ARFGEF1: variants seen among roughly 807,000 people sequenced by gnomAD.
The protein encoded by ARFGEF1 is brefeldin A-inhibited guanine nucleotide-exchange protein 1.
A neutral mutation model predicts 231.0 loss-of-function variants in ARFGEF1; 42 were observed. The observed-to-expected ratio is 0.18, with a 90% CI of 0.14 to 0.24. ARFGEF1 has a LOEUF of 0.24. Among genes scored for constraint, ARFGEF1 ranks in the 10% least tolerant of loss-of-function variants. The probability of loss-of-function intolerance (pLI) is 1.00; values close to 1 mark genes in which losing one functional copy is unlikely to be tolerated. For missense variants in ARFGEF1, 1,345 were observed against 2,192.0 expected, an observed-to-expected ratio of 0.61 and a Z score of 7.72; for synonymous variants, 710 against 732.3, an observed-to-expected ratio of 0.97 and a Z score of 0.49.
chr8:67,241,083 T>C (rs1478496475), intron 19 of ARFGEF1, among the ~76,000 whole-genome samples: 3 of 152,328 alleles, frequency 2.0e-5, no homozygotes, highest in Non-Finnish European at 2.9e-5. Context: ...ATCAGTGCGC[T>C]ATAGAAATTA....
chr8:67,240,279 C>A lies in ARFGEF1; in HGVS notation c.2862G>T (p.Thr954=). The A allele has an allele frequency of 6.3e-7, 1 of 1,590,142 alleles. No individual in the cohort carries two copies. The highest frequency in any genetic ancestry group is 1.7e-4 in the Middle Eastern group (1 of 5,976). ...CCACACTGAATGCAGCCAGAAAAGGCGTCCAAGCCAACTACAAAAATTAAA... is the reference window on the plus strand; with the variant it reads ...CCACACTGAATGCAGCCAGAAAAGGAGTCCAAGCCAACTACAAAAATTAAA... ...HVRPMFKLAW[T]PFLAAFSVGL... The change falls in exon 20 of 39, where the codon ACG becomes ACT. Residue 954 remains threonine, a synonymous_variant. Transcript: ENST00000262215.
rs191065747 is a variant in ARFGEF1, at chr8:67,296,049, A to G, written c.639+382T>C. On this transcript the variant is annotated intron_variant, in intron 5 of 38. Coordinates refer to ENST00000262215, the MANE Select transcript of ARFGEF1 (RefSeq NM_006421.5). ...TACAGGGGAAAAAACGTATTTCATC[A>G]ATATGGAAATATACTTTTTTAAGGC... Among the ~76,000 whole-genome samples, 5 of 152,316 alleles carry G rather than the reference A, an allele frequency of 3.3e-5. No individual in the cohort carries two copies. The East Asian group carries it at 9.6e-4, about 29-fold the overall frequency.
At chr8:67,274,313 T>G (rs1359681964) in intron 9 of ARFGEF1, among the ~76,000 whole-genome samples, 1 of 148,720 alleles carries the variant, frequency 6.7e-6, no homozygotes, top group African/African-American at 2.6e-5. Flanking sequence ...TACGAAAGCT[T>G]GACTTTTGGC....
intron 1 of ARFGEF1, among the ~76,000 whole-genome samples, chr8:67,311,045 C>A (rs1333358799): frequency 4.1e-5 from 6 of 147,052 alleles, no homozygotes; most frequent in African/African-American, 1.0e-4. Flanking sequence ...CGCCTCTGCC[C>A]GGCCACCCCT....
intron 33 of ARFGEF1, among the ~76,000 whole-genome samples, chr8:67,214,479 A>G (rs1288907327): frequency 6.6e-6 from 1 of 152,254 alleles, no homozygotes; most frequent in Non-Finnish European, 1.5e-5. Context: ...CTGCCAGTTG[A>G]TGATGTGAGA....
At chr8:67,280,163 T>G (rs775190208) in intron 7 of ARFGEF1, among the ~76,000 whole-genome samples, 1 of 152,194 alleles carries the variant, frequency 6.6e-6, no homozygotes, top group African/African-American at 2.4e-5. Flanking sequence ...ACCTGAGAGA[T>G]ATGATTGTTT....
Position 67,221,026 on chromosome 8 carries a change from T to C in ARFGEF1, c.4209-1466A>G, listed in dbSNP as rs1184035096. ...AGACAGTGGTCCCCTAAGATTATAA[T>C]AGAGCTATAAAGTTCCAATTGTCTT... On this transcript the variant is annotated intron_variant, in intron 29 of 38. Coordinates refer to ENST00000262215, the MANE Select transcript of ARFGEF1 (RefSeq NM_006421.5). 3.3e-5 allele frequency among the ~76,000 whole-genome samples: 5 copies of C among 152,028 alleles called. No individual in the cohort carries two copies. In the East Asian group the frequency reaches 5.8e-4, roughly 18 times the overall value.
intron 14 of ARFGEF1, among the ~76,000 whole-genome samples, chr8:67,262,811 T>G (rs1408781866): frequency 6.6e-6 from 1 of 152,228 alleles, no homozygotes; most frequent in African/African-American, 2.4e-5. Flanking sequence ...TTTAAATTAA[T>G]GTGTGTACAT....
At chr8:67,263,093 T>TCTCC (rs892431918) in intron 14 of ARFGEF1, among the ~76,000 whole-genome samples, 4 of 152,156 alleles carry the variant, frequency 2.6e-5, no homozygotes, top group African/African-American at 9.7e-5. Flanking sequence ...CTCACTCCCT[T>TCTCC]CTCCTTCCTC....
chr8:67,328,817 A>G (rs1051482128), intron 1 of ARFGEF1, among the ~76,000 whole-genome samples: 4 of 152,242 alleles, frequency 2.6e-5, no homozygotes, highest in Admixed American at 6.5e-5. Flanking sequence ...TCATAAATCA[A>G]TGCTGACAGA....
downstream of ARFGEF1, chr8:67,195,954 T>C (rs1452469607): frequency 1.6e-5 from 3 of 183,334 alleles, no homozygotes; most frequent in Non-Finnish European, 3.5e-5. Flanking sequence ...ATGCACATTT[T>C]CCATTGTTAC....
At position 67,227,593 on chromosome 8, in the gene ARFGEF1, C is replaced by A. The variant is rs752564673; in HGVS notation, c.3597G>T (p.Gly1199=). 3 of 1,612,058 alleles carry A rather than the reference C, an allele frequency of 1.9e-6. No individual in the cohort carries two copies. Among genetic ancestry groups the A allele is most frequent in the African/African-American group, 1.3e-5 (1 of 74,824 alleles). ...TAGCTACATCTTCATTAGGATTACA[C>A]CCAACCTGTAATGGCGACAGAAATA... ...EVIGDHFNKV[G]CNPNEDVAIF... Residue 1199 remains glycine, a synonymous_variant, in exon 26 of 39, where the codon GGG becomes GGT. Transcript: ENST00000262215.
intron 8 of ARFGEF1, among the ~76,000 whole-genome samples, 186 bp downstream of exon 8, chr8:67,277,096 T>C (rs1392221105): frequency 6.6e-6 from 1 of 151,972 alleles, no homozygotes; most frequent in Non-Finnish European, 1.5e-5. Context: ...TATCAAAATA[T>C]GAAGGGGAAA....
At chr8:67,232,982 A>G (rs371294487) in intron 22 of ARFGEF1, 37 bp from the exon 23 acceptor site, 61 of 1,500,508 alleles carry the variant, frequency 4.1e-5, no homozygotes, top group African/African-American at 3.6e-4. Flanking sequence ...CAGTTTGAAA[A>G]TAATTCAGTA....
In ARFGEF1 at chr8:67,211,502, G is replaced by C; in HGVS notation, c.4800C>G (p.Ser1600Arg). 6.3e-7 allele frequency: 1 copy of C among 1,580,350 alleles called. No homozygotes were observed. Among genetic ancestry groups the C allele is most frequent in the Non-Finnish European group, 8.6e-7 (1 of 1,167,060 alleles). The stretch of plus-strand genomic sequence containing the variant: ...ACTCACTTGCTGTAGATTTAATTTT[G>C]CTGACTTCTTCATTAACAGCAGACG... The part of the protein sequence containing the change: ...VSASAVNEEV[S>R]KIKSTAKFPE... Residue 1600 changes from serine to arginine, a missense_variant, in exon 34 of 39, where the codon AGC (serine) becomes AGG (arginine). By Grantham distance (110) the Ser-to-Arg change is moderately radical. Transcript: ENST00000262215.
At chr8:67,316,225 T>C (rs892077914) in intron 1 of ARFGEF1, among the ~76,000 whole-genome samples, 4 of 152,186 alleles carry the variant, frequency 2.6e-5, no homozygotes, top group Admixed American at 6.5e-5. Flanking sequence ...TCTTCCAATA[T>C]GAAATAGATC....
chr8:67,269,926 G>C (rs946762625), intron 10 of ARFGEF1, among the ~76,000 whole-genome samples: 1 of 151,856 alleles, frequency 6.6e-6, no homozygotes, highest in Non-Finnish European at 1.5e-5. Flanking sequence ...TTGATATCTA[G>C]ATCTAAGAAT....
intron 14 of ARFGEF1, among the ~76,000 whole-genome samples, chr8:67,261,341 C>G (rs1322622612): frequency 6.6e-6 from 1 of 152,184 alleles, no homozygotes; most frequent in Non-Finnish European, 1.5e-5. Context: ...GCTAATGTAG[C>G]TGATGATATT....
chr8:67,299,156 G>C (rs1168839184), intron 4 of ARFGEF1, 53 bp downstream of exon 4: 2 of 1,431,802 alleles, frequency 1.4e-6, no homozygotes, highest in Non-Finnish European at 1.9e-6. Flanking sequence ...AAAGGCATCT[G>C]AATTTTGAAG....
Sources: allele counts gnomAD v4.1 joint callset (sites outside exome capture counted in the v4.1 genomes callset), GRCh38; gene constraint gnomAD v4.1.1; transcripts MANE v1.5; gene names NCBI Gene and HGNC (gene_info 2026-07-23, HGNC 2026-07-21).